FZD3: variants seen among roughly 807,000 people sequenced by gnomAD.
FZD3 encodes frizzled class receptor 3, also known as frizzled-3.
In FZD3, 30 loss-of-function variants were observed where a neutral mutation model predicts 60.7. That is an observed-to-expected ratio of 0.49 (90% CI 0.37 to 0.67). FZD3 has a LOEUF of 0.67. Among genes scored for constraint, FZD3 ranks in the 30% least tolerant of loss-of-function variants. The pLI is 0.00. For missense variants in FZD3, 605 were observed against 838.7 expected (o/e 0.72, Z 3.44); for synonymous variants, 246 against 275.2 (o/e 0.89, Z 1.05).
At chr8:28,520,867 CT>C in intron 4 of FZD3, 33 bp downstream of exon 4, 1 of 1,389,132 alleles carries the variant, frequency 7.2e-7, no homozygotes, top group Non-Finnish European at 9.8e-7. Flanking sequence ...TGGATCATTT[CT>C]TATGTTGCAA....
intron 1 of FZD3, among the ~76,000 whole-genome samples, chr8:28,499,374 T>C (rs998417970): frequency 6.6e-6 from 1 of 152,196 alleles, no homozygotes; most frequent in African/African-American, 2.4e-5. Flanking sequence ...AACTATATAA[T>C]ATTCCATCAT....
rs199839949 is a variant in FZD3 at position 28,555,817 on chromosome 8, A to C, written c.1633A>C (p.Ile545Leu). 6.2e-7 allele frequency: 1 copy of C among 1,613,876 alleles called. No homozygotes were observed. Among genetic ancestry groups the C allele is most frequent in the Admixed American group, 1.7e-5 (1 of 60,026 alleles). ...CCTGAGGGATCCAAATACTCCTATC[A>C]TAAGAAAGTCAAGGGGAACTTCCAC... ...SLLRDPNTPI[I>L]RKSRGTSTQG... Residue 545 changes from isoleucine to leucine, a missense_variant, in exon 7 of 8, where the codon ATA becomes CTA. Ile to Leu is a conservative substitution (Grantham distance 5). Coordinates refer to ENST00000240093, the MANE Select transcript of FZD3 (RefSeq NM_017412.4).
In FZD3 at chr8:28,546,071, T is replaced by A. The variant is rs544104682; in HGVS notation, c.1405-5532T>A. 7.1e-4 allele frequency among the ~76,000 whole-genome samples: 108 copies of A among 152,352 alleles called. 1 individual carries two copies. Among genetic ancestry groups the A allele is most frequent in the Non-Finnish European group, 1.4e-3 (92 of 68,024 alleles). On this transcript the variant is annotated intron_variant, in intron 5 of 7. Coordinates refer to ENST00000240093, the MANE Select transcript of FZD3 (RefSeq NM_017412.4). ...GAGCAATAGGCTATACCATAAAGCC[T>A]AGGTGTGTAGTGGGCTATACCATCT...
chr8:28,539,212 G>C (rs1007642015), intron 5 of FZD3, among the ~76,000 whole-genome samples: 5 of 152,172 alleles, frequency 3.3e-5, no homozygotes, highest in Admixed American at 6.5e-5. Flanking sequence ...ATTACTGCCT[G>C]AGCCTCCTGA....
At chr8:28,530,089 CTGTGTGTG>C (rs59022036) in intron 5 of FZD3, among the ~76,000 whole-genome samples, 3,359 of 138,526 alleles carry the variant, frequency 0.024, 85 homozygotes, top group African/African-American at 0.064. Context: ...TGAAATATAT[CTGTGTGTG>C]TGTGTGTGTG....
At chr8:28,516,869 T>C (rs1397754530) in intron 3 of FZD3, among the ~76,000 whole-genome samples, 1 of 152,198 alleles carries the variant, frequency 6.6e-6, no homozygotes, top group African/African-American at 2.4e-5. Context: ...AATTATGATG[T>C]GTACTTTTGA....
rs754090687 is a variant in FZD3 at position 28,562,883 on chromosome 8, A to G, written c.1873A>G (p.Ser625Gly). 6.2e-7 allele frequency: 1 copy of G among 1,613,398 alleles called. No individual in the cohort carries two copies. The highest frequency in any genetic ancestry group is 8.5e-7 in the Non-Finnish European group (1 of 1,179,338). Reference protein sequence around the residue: ...SRLTDHSRHSSSHRLNEQSRH... With the variant: ...SRLTDHSRHSGSHRLNEQSRH... ...ACTAACAGATCACTCCAGGCATAGT[A>G]GTTCTCATCGGCTCAATGAACAGTC... The change falls in exon 8 of 8, where the codon AGT (serine) becomes GGT (glycine). Residue 625 changes from serine to glycine, a missense_variant. Coordinates refer to ENST00000240093, the MANE Select transcript of FZD3 (RefSeq NM_017412.4).
chr8:28,514,671 A>G (rs948205000), intron 3 of FZD3, among the ~76,000 whole-genome samples: 4 of 152,246 alleles, frequency 2.6e-5, no homozygotes, highest in Admixed American at 2.0e-4. Context: ...TCTTTCACTC[A>G]GTATAATGAT....
rs1805687335 is a variant in FZD3, at chr8:28,565,296, G to A, written c.*2285G>A. On this transcript the variant is annotated 3_prime_UTR_variant, in exon 8 of 8. Coordinates refer to ENST00000240093, the MANE Select transcript of FZD3 (RefSeq NM_017412.4). ...GGAGCTGGAGTTAATGCTCAAAGCA[G>A]GCAGGTCTGAATTCCCTCATAACCG... 1 of 152,116 alleles carries A rather than the reference G, an allele frequency of 6.6e-6. No homozygotes were observed. The highest frequency in any genetic ancestry group is 1.5e-5 in the Non-Finnish European group (1 of 68,006). The allele number at this position is 152,116 out of a possible 1,614,324, so 9.4% of individuals were successfully genotyped here.
At chr8:28,538,936 C>T (rs1036084318) in intron 5 of FZD3, among the ~76,000 whole-genome samples, 1 of 151,678 alleles carries the variant, frequency 6.6e-6, no homozygotes, top group South Asian at 2.1e-4. Context: ...CTCTGCCCTA[C>T]AGTTCATAGC....
chr8:28,534,243 G>C (rs1044186315), intron 5 of FZD3, among the ~76,000 whole-genome samples: 1 of 152,010 alleles, frequency 6.6e-6, no homozygotes, highest in Non-Finnish European at 1.5e-5. Flanking sequence ...TTATGTATAC[G>C]TTCTCATTTT....
chr8:28,515,643 A>T (rs1804405387), intron 3 of FZD3, among the ~76,000 whole-genome samples: 1 of 152,166 alleles, frequency 6.6e-6, no homozygotes, highest in African/African-American at 2.4e-5. Flanking sequence ...TTCCTAGAGG[A>T]AGGTCATACA....
chr8:28,504,628 G>T (rs1161618472), intron 3 of FZD3, among the ~76,000 whole-genome samples: 1 of 152,158 alleles, frequency 6.6e-6, no homozygotes, highest in Non-Finnish European at 1.5e-5. Context: ...TTTGTGAAAA[G>T]GCAGTATAAT....
At chr8:28,561,156 A>G (rs1471967910) in intron 7 of FZD3, among the ~76,000 whole-genome samples, 2 of 152,104 alleles carry the variant, frequency 1.3e-5, no homozygotes, top group African/African-American at 4.8e-5. Flanking sequence ...TCCGACATTC[A>G]AGCAATTCTC....
intron 5 of FZD3, among the ~76,000 whole-genome samples, chr8:28,548,873 G>A (rs896503253): frequency 6.6e-6 from 1 of 151,946 alleles, no homozygotes; most frequent in African/African-American, 2.4e-5. Context: ...TTTGAAGTGG[G>A]GTGTGTTTTA....
At chr8:28,505,867 G>A (rs1203921076) in intron 3 of FZD3, among the ~76,000 whole-genome samples, 4 of 152,224 alleles carry the variant, frequency 2.6e-5, no homozygotes, top group Non-Finnish European at 5.9e-5. Context: ...AAATAGATAA[G>A]TGTCAATCCA....
At chr8:28,555,060 T>G (rs2130463866) in intron 6 of FZD3, among the ~76,000 whole-genome samples, 1 of 152,306 alleles carries the variant, frequency 6.6e-6, no homozygotes, top group Admixed American at 6.5e-5. Flanking sequence ...AATTTTTTGT[T>G]CTTAACCATA....
intron 5 of FZD3, among the ~76,000 whole-genome samples, chr8:28,528,697 A>G (rs1804784357): frequency 6.6e-6 from 1 of 152,224 alleles, no homozygotes; most frequent in Non-Finnish European, 1.5e-5. Context: ...AGAACTTTAG[A>G]GATCATTTAT....
intron 4 of FZD3, among the ~76,000 whole-genome samples, chr8:28,525,632 T>G (rs1418289215): frequency 3.3e-5 from 5 of 152,024 alleles, no homozygotes; most frequent in African/African-American, 7.3e-5. Context: ...GGGCTGAGGG[T>G]CTGAGTAGCT....
Sources: gnomAD v4.1 joint callset for allele counts (sites outside exome capture counted in the v4.1 genomes callset) on GRCh38, gnomAD v4.1.1 for gene constraint, MANE v1.5 for transcripts, NCBI Gene and HGNC (gene_info 2026-07-23, HGNC 2026-07-21) for gene names.